The following FREM3 variants were observed in gnomAD, a reference collection of about 807,000 sequenced individuals.
The protein encoded by FREM3 is FRAS1 related extracellular matrix 3.
Under a neutral mutation model 129.1 loss-of-function variants are expected in FREM3, and 105 were observed. That is an observed-to-expected ratio of 0.81 (90% CI 0.69 to 0.96). The LOEUF is 0.96. Ranked by LOEUF, FREM3 falls within the 40% of genes least tolerant of loss-of-function variation. The probability of loss-of-function intolerance (pLI) is 0.00; values close to 1 mark genes in which losing one functional copy is unlikely to be tolerated. For synonymous variants in FREM3, 1,014 were observed against 1,044.9 expected, an observed-to-expected ratio of 0.97 and a Z score of 0.57; for missense variants, 2,593 against 2,666.3, an observed-to-expected ratio of 0.97 and a Z score of 0.61.
At position 143,700,199 on chromosome 4, in the gene FREM3, C is replaced by G. The variant is rs755932423; in HGVS notation, c.477G>C (p.Ala159=). ...THTLVLPFTL[A]VDLVFSQLEL... ...CCAGCTGGGAGAAGACCAAGTCCACCGCCAGCGTGAAGGGCAGCACCAGAG... is the reference window on the plus strand; with the variant it reads ...CCAGCTGGGAGAAGACCAAGTCCACGGCCAGCGTGAAGGGCAGCACCAGAG... Residue 159 remains alanine (A), a synonymous_variant, in exon 1 of 8, where the codon GCG becomes GCC. Transcript: ENST00000329798. The G allele has an allele frequency of 6.5e-6, 10 of 1,536,852 alleles. No individual in the cohort carries two copies. Among genetic ancestry groups the G allele is most frequent in the Non-Finnish European group, 8.7e-7 (1 of 1,146,900 alleles).
At chr4:143,623,089 A>G (rs996570951) in intron 4 of FREM3, among the ~76,000 whole-genome samples, 1 of 152,218 alleles carries the variant, frequency 6.6e-6, no homozygotes, top group Non-Finnish European at 1.5e-5. Flanking sequence ...AGAAAACTGG[A>G]ACTTAGAGAT....
At chr4:143,660,644 C>A (rs7376152) in intron 2 of FREM3, among the ~76,000 whole-genome samples, 2 of 151,786 alleles carry the variant, frequency 1.3e-5, no homozygotes, top group Non-Finnish European at 2.9e-5. Context: ...GCTTGATGGG[C>A]ATGGCACTGA....
intron 5 of FREM3, among the ~76,000 whole-genome samples, chr4:143,619,171 C>T (rs1233109568): frequency 6.6e-6 from 1 of 152,136 alleles, no homozygotes; most frequent in Non-Finnish European, 1.5e-5. Context: ...GCTCCAACCT[C>T]AGATTATGCT....
At chr4:143,596,318 T>C (rs2149836440) in intron 6 of FREM3, among the ~76,000 whole-genome samples, 1 of 152,364 alleles carries the variant, frequency 6.6e-6, no homozygotes, top group African/African-American at 2.4e-5. Context: ...GGTATTGCAA[T>C]TATTCATGTG....
At chr4:143,668,170 C>T (rs1378950569) in intron 2 of FREM3, among the ~76,000 whole-genome samples, 2 of 152,126 alleles carry the variant, frequency 1.3e-5, no homozygotes, top group African/African-American at 4.8e-5. Flanking sequence ...AGTATTACTA[C>T]AGGGCTGGAA....
At chr4:143,634,239 G>T (rs771637917) in intron 2 of FREM3, among the ~76,000 whole-genome samples, 1 of 152,166 alleles carries the variant, frequency 6.6e-6, no homozygotes, top group Admixed American at 6.6e-5. Context: ...GGCAAGACAC[G>T]TAAATTCAGG....
intron 7 of FREM3, among the ~76,000 whole-genome samples, chr4:143,582,045 C>T (rs1400562952): frequency 6.6e-6 from 1 of 152,096 alleles, no homozygotes; most frequent in Non-Finnish European, 1.5e-5. Context: ...CAAGCTTGGG[C>T]TCACAATGCA....
chr4:143,695,743 G>T lies in FREM3; in HGVS notation c.4933C>A (p.Pro1645Thr). The T allele has an allele frequency of 1.3e-6, 2 of 1,537,274 alleles. No individual in the cohort carries two copies. The highest frequency in any genetic ancestry group is 1.7e-4 in the Middle Eastern group (1 of 5,992). The change falls in exon 1 of 8, where the codon CCT becomes ACT. Residue 1645 changes from proline to threonine, a missense_variant. By Grantham distance (38) the Pro-to-Thr change is conservative. Transcript: ENST00000329798. Reference protein sequence around the residue: ...LPDTALATHKPQVMRVQIRSL... With the variant: ...LPDTALATHKTQVMRVQIRSL... The stretch of plus-strand genomic sequence containing the variant: ...CTTATCTGGACCCTCATTACTTGAG[G>T]TTTGTGTGTCGCCAGGGCAGTGTCT...
intron 6 of FREM3, among the ~76,000 whole-genome samples, chr4:143,589,381 A>G (rs1364994264): frequency 3.3e-5 from 5 of 151,962 alleles, no homozygotes; most frequent in East Asian, 1.9e-4. Context: ...CAGGTCTAAC[A>G]TGTAAGTCTT....
At chr4:143,652,254 C>T (rs1462282296) in intron 2 of FREM3, among the ~76,000 whole-genome samples, 1 of 56,018 alleles carries the variant, frequency 1.8e-5, no homozygotes, top group African/African-American at 4.7e-5. Flanking sequence ...GCTCCGCTTC[C>T]CGGGTTCACG....
At position 143,697,212 on chromosome 4, in the gene FREM3, A is replaced by C; in HGVS notation, c.3464T>G (p.Ile1155Ser). 1 of 1,537,788 alleles carries C rather than the reference A, an allele frequency of 6.5e-7. No individual in the cohort carries two copies. The highest frequency in any genetic ancestry group is 8.7e-7 in the Non-Finnish European group (1 of 1,146,978). The change falls in exon 1 of 8, where the codon ATT (isoleucine) becomes AGT (serine). Residue 1155 changes from isoleucine (I) to serine (S), a missense_variant. By Grantham distance (142) the Ile-to-Ser change is moderately radical. Transcript: ENST00000329798. ...CTCTTGTGGCTCTACTCCCTTGTGA[A>C]TACTCTGTACATAATTGATATGCCT... The part of the protein sequence containing the change: ...QVRHINYVQS[I>S]HKGVEPQEDQ...
chr4:143,592,134 C>T (rs1358589242), intron 6 of FREM3, among the ~76,000 whole-genome samples: 8 of 152,168 alleles, frequency 5.3e-5, no homozygotes, highest in Admixed American at 4.6e-4. Flanking sequence ...CTATGTGTGT[C>T]TCTGCACGTG....
chr4:143,698,910 T>A lies in FREM3; in HGVS notation c.1766A>T (p.Lys589Ile), dbSNP rs1285399405. The change falls in exon 1 of 8, where the codon AAA becomes ATA. Residue 589 changes from lysine (K) to isoleucine (I), a missense_variant. Around this residue, in one of 2 missense-constraint regions of FREM3, gnomAD observed 2,276 missense variants for 2,267.2 expected, o/e 1.00. Transcript: ENST00000329798. ...CCACTGAGGCTCTTCCTCATTTCCTTTTAGGGGCTGGTTCTCCAGCACAAA... is the reference window on the plus strand; with the variant it reads ...CCACTGAGGCTCTTCCTCATTTCCTATTAGGGGCTGGTTCTCCAGCACAAA... Reference protein sequence around the residue: ...IHFVLENQPLKGNEEEPQWEL... With the variant: ...IHFVLENQPLIGNEEEPQWEL... 1 of 1,537,412 alleles carries A rather than the reference T, an allele frequency of 6.5e-7. No homozygotes were observed. Among genetic ancestry groups the A allele is most frequent in the East Asian group, 2.4e-5 (1 of 40,908 alleles).
chr4:143,666,217 C>T (rs378638), intron 2 of FREM3, among the ~76,000 whole-genome samples: 82,462 of 151,764 alleles, frequency 0.54, 23,470 homozygotes, highest in East Asian at 0.71. Flanking sequence ...AACAATGTTT[C>T]TACATGCATA....
At chr4:143,579,257 C>T (rs1033036501) in intron 7 of FREM3, among the ~76,000 whole-genome samples, 2 of 152,130 alleles carry the variant, frequency 1.3e-5, no homozygotes, top group East Asian at 3.9e-4. Flanking sequence ...AGTTTGAGAC[C>T]AGCCTGGCCA....
At chr4:143,612,135 C>T (rs956659192) in intron 5 of FREM3, among the ~76,000 whole-genome samples, 4 of 152,178 alleles carry the variant, frequency 2.6e-5, no homozygotes, top group African/African-American at 9.7e-5. Context: ...TGTAAATGCA[C>T]AGTTTGAAGA....
At chr4:143,692,068 A>G (rs1321731062) in intron 2 of FREM3, among the ~76,000 whole-genome samples, 1 of 152,196 alleles carries the variant, frequency 6.6e-6, no homozygotes, top group East Asian at 1.9e-4. Context: ...GAAAGTACCT[A>G]GTTAATGGGC....
At position 143,695,817 on chromosome 4, in the gene FREM3, A is replaced by C; in HGVS notation, c.4859T>G (p.Phe1620Cys). Residue 1620 changes from phenylalanine (F) to cysteine (C), a missense_variant, in exon 1 of 8, where the codon TTC becomes TGC. Transcript: ENST00000329798. ...AGTGCCGTCTGTCACAGTCAAGGAG[A>C]AACTATCTTCAGTGGTCTCACTGCC... Reference protein sequence around the residue: ...HDGSETTEDSFSLTVTDGTHT... With the variant: ...HDGSETTEDSCSLTVTDGTHT... The C allele has an allele frequency of 6.5e-7, 1 of 1,537,262 alleles. No individual in the cohort carries two copies. Among genetic ancestry groups the C allele is most frequent in the Non-Finnish European group, 8.7e-7 (1 of 1,146,904 alleles).
chr4:143,590,076 C>T (rs1047256436), intron 6 of FREM3, among the ~76,000 whole-genome samples: 73 of 152,072 alleles, frequency 4.8e-4, no homozygotes, highest in African/African-American at 1.6e-3. Context: ...GTGATTTTTG[C>T]ACATTGATTT....
Sources: allele counts gnomAD v4.1 joint callset (sites outside exome capture counted in the v4.1 genomes callset), GRCh38; gene constraint gnomAD v4.1.1; regional missense constraint gnomAD v4.1.1; transcripts MANE v1.5; gene names NCBI Gene and HGNC (gene_info 2026-07-23, HGNC 2026-07-21).